Variants in RNASET2 observed in about 807,000 individuals in gnomAD.
RNASET2 encodes ribonuclease T2, also known as ribonuclease 6.
A neutral mutation model predicts 33.9 loss-of-function variants in RNASET2; 28 were observed. The observed-to-expected ratio is 0.83, with a 90% CI of 0.61 to 1.13. The LOEUF (loss-of-function observed/expected upper bound fraction) is 1.13, where lower values mean the gene tolerates loss of function less well. Ranked by LOEUF, RNASET2 falls within the 50% of genes most tolerant of loss-of-function variation. RNASET2 has a pLI of 0.00. For synonymous variants in RNASET2, 123 were observed against 121.0 expected (o/e 1.02, Z -0.11); for missense variants, 330 against 319.9 (o/e 1.03, Z -0.24).
intron 4 of RNASET2, chr6:166,943,850 G>A (rs1253529079): frequency 2.8e-5 from 12 of 436,054 alleles, no homozygotes; most frequent in East Asian, 1.6e-4. Flanking sequence ...GGCCGGGCAC[G>A]GTGGCTCACG....
At chr6:166,938,244 A>G (rs765390378) in intron 6 of RNASET2, among the ~76,000 whole-genome samples, 4 of 152,038 alleles carry the variant, frequency 2.6e-5, no homozygotes, top group Non-Finnish European at 4.4e-5. Flanking sequence ...AGACGCTGAC[A>G]CCCTGAAACG....
intron 7 of RNASET2, 68 bp from the exon 8 acceptor site, chr6:166,931,186 C>A (rs1200520333): frequency 1.7e-6 from 2 of 1,150,342 alleles, no homozygotes; most frequent in Admixed American, 3.4e-5. Flanking sequence ...TCTGGACTAT[C>A]CTGAGCGCAA....
At chr6:166,951,123 G>A (rs1376203747) in intron 2 of RNASET2, among the ~76,000 whole-genome samples, 1 of 152,260 alleles carries the variant, frequency 6.6e-6, no homozygotes, top group East Asian at 1.9e-4. Context: ...GGTCACGTGA[G>A]TCACGTGTCC....
chr6:166,941,455 T>C (rs552076423), intron 5 of RNASET2, among the ~76,000 whole-genome samples: 9 of 152,352 alleles, frequency 5.9e-5, no homozygotes, highest in African/African-American at 2.2e-4. Context: ...AAGTGACATA[T>C]AATTTTTTTT....
chr6:166,925,052 C>T lies in RNASET2; in HGVS notation c.*4536G>A, dbSNP rs1778283629. ...AGTGTCCAGACCTCACTTCTCCCAC[C>T]CAGGCCTCTACCCAGTCATCTAGGC... On this transcript the variant is annotated 3_prime_UTR_variant, in exon 9 of 9. Coordinates refer to ENST00000508775, the MANE Select transcript of RNASET2 (RefSeq NM_003730.6). Among the ~76,000 whole-genome samples, 1 of 152,040 alleles carries T rather than the reference C, an allele frequency of 6.6e-6. No homozygotes were observed. Among genetic ancestry groups the T allele is most frequent in the Non-Finnish European group, 1.5e-5 (1 of 67,986 alleles).
At chr6:166,943,519 A>G in intron 4 of RNASET2, 1 of 332,848 alleles carries the variant, frequency 3.0e-6, no homozygotes, top group South Asian at 2.4e-5. Context: ...CAGGAATGAG[A>G]TTCGCGGTTG....
At chr6:166,955,906 A>AC (rs1158574876) in intron 1 of RNASET2, among the ~76,000 whole-genome samples, 191 bp downstream of exon 1, 2 of 146,622 alleles carry the variant, frequency 1.4e-5, no homozygotes, top group African/African-American at 5.1e-5. Context: ...TCCAGGGGTC[A>AC]CCCCGAGGCG....
At position 166,925,268 on chromosome 6, in the gene RNASET2, G is replaced by A. The variant is rs1422988207; in HGVS notation, c.*4320C>T. Among the ~76,000 whole-genome samples the A allele has an allele frequency of 2.0e-5, 3 of 150,254 alleles. No homozygotes were observed. Among genetic ancestry groups the A allele is most frequent in the Admixed American group, 6.6e-5 (1 of 15,104 alleles). On this transcript the variant is annotated 3_prime_UTR_variant, in exon 9 of 9. Transcript: ENST00000508775. Reference sequence around the variant, plus strand: ...CCTACGATGCGCAGTCCATGTCTCCGCTGCCCAGGCCTCATCTATGCCACT... The same window carrying A: ...CCTACGATGCGCAGTCCATGTCTCCACTGCCCAGGCCTCATCTATGCCACT...
rs1275028710 is a variant in RNASET2, at chr6:166,956,543, C to T, written c.-361G>A. ...GTCCGCCCACGACCACGGTCAGTCG[C>T]GTTGCTCCCAGCCCAGGGCGCCCTG... is the stretch of plus-strand genomic sequence containing the variant. On this transcript the variant is annotated 5_prime_UTR_variant, in exon 1 of 9. Coordinates refer to ENST00000508775, the MANE Select transcript of RNASET2 (RefSeq NM_003730.6). 2.7e-5 allele frequency: 9 copies of T among 327,710 alleles called. No individual in the cohort carries two copies. The East Asian group carries it at 4.3e-4, about 16-fold the overall frequency. The allele number at this position is 327,710 out of a possible 1,614,324, so 20.3% of individuals were successfully genotyped here.
Position 166,927,228 on chromosome 6 carries a change from G to A in RNASET2, c.*2360C>T, listed in dbSNP as rs750162537. On this transcript the variant is annotated 3_prime_UTR_variant, in exon 9 of 9. Coordinates refer to ENST00000508775, the MANE Select transcript of RNASET2 (RefSeq NM_003730.6). ...AGAGTCTTCCCCTTCTGTCTCCTGC[G>A]GCTCATAAGTGCCTTATACTTACAT... 3.3e-5 allele frequency among the ~76,000 whole-genome samples: 5 copies of A among 152,054 alleles called. No homozygotes were observed. Among genetic ancestry groups the A allele is most frequent in the Non-Finnish European group, 7.3e-5 (5 of 68,036 alleles).
chr6:166,930,319 C>T (rs1778389034), intron 8 of RNASET2, among the ~76,000 whole-genome samples: 7 of 150,674 alleles, frequency 4.6e-5, no homozygotes, highest in Admixed American at 4.6e-4. Flanking sequence ...CACATGCATG[C>T]TCACATACAC....
intron 5 of RNASET2, among the ~76,000 whole-genome samples, chr6:166,940,091 T>G (rs1356179392): frequency 6.6e-6 from 1 of 152,218 alleles, no homozygotes; most frequent in African/African-American, 2.4e-5. Flanking sequence ...TGCACTGGGC[T>G]GTCATCCAAT....
chr6:166,941,764 T>G (rs974092732), intron 5 of RNASET2, among the ~76,000 whole-genome samples: 1 of 152,250 alleles, frequency 6.6e-6, no homozygotes, highest in Non-Finnish European at 1.5e-5. Flanking sequence ...TCTTCCCACC[T>G]AAAATTTGAT....
At chr6:166,955,238 C>A (rs1347347059) in intron 1 of RNASET2, among the ~76,000 whole-genome samples, 1 of 120,340 alleles carries the variant, frequency 8.3e-6, no homozygotes, top group Non-Finnish European at 1.7e-5. Flanking sequence ...CACGCACGCA[C>A]GCACACACAC....
intron 1 of RNASET2, among the ~76,000 whole-genome samples, chr6:166,955,255 ACG>A (rs1383857170): frequency 4.4e-4 from 49 of 110,264 alleles, no homozygotes; most frequent in South Asian, 8.6e-4. Flanking sequence ...ACACGCACAC[ACG>A]CACACACACA....
intron 2 of RNASET2, among the ~76,000 whole-genome samples, chr6:166,950,399 A>G (rs1223217856): frequency 1.3e-5 from 2 of 152,252 alleles, no homozygotes; most frequent in Non-Finnish European, 2.9e-5. Context: ...AAACGGGGCA[A>G]TCTCGTGTAC....
At chr6:166,943,393 A>G (rs1778740939) in intron 4 of RNASET2, 1 of 363,344 alleles carries the variant, frequency 2.8e-6, no homozygotes, top group Non-Finnish European at 5.3e-6. Context: ...CGAGTCATGA[A>G]AAGACACTGG....
chr6:166,935,926 G>A (rs968766915), intron 6 of RNASET2, among the ~76,000 whole-genome samples: 1 of 152,174 alleles, frequency 6.6e-6, no homozygotes, highest in African/African-American at 2.4e-5. Flanking sequence ...ACCCGCCTTG[G>A]CCTCCCAAAG....
At chr6:166,940,811 G>A (rs930261551) in intron 5 of RNASET2, among the ~76,000 whole-genome samples, 3 of 152,000 alleles carry the variant, frequency 2.0e-5, no homozygotes, top group African/African-American at 7.2e-5. Flanking sequence ...CCTCTGTGCT[G>A]AGAGACACCC....
Sources: gnomAD v4.1 joint callset for allele counts (sites outside exome capture counted in the v4.1 genomes callset) on GRCh38, gnomAD v4.1.1 for gene constraint, MANE v1.5 for transcripts, NCBI Gene and HGNC (gene_info 2026-07-23, HGNC 2026-07-21) for gene names.